Variants in ELAPOR1 observed in about 807,000 individuals in gnomAD.
ELAPOR1 encodes the protein endosome/lysosome-associated apoptosis and autophagy regulator 1.
Under a neutral mutation model 119.7 loss-of-function variants are expected in ELAPOR1, and 77 were observed. The observed-to-expected ratio is 0.64, with a 90% CI of 0.54 to 0.78. ELAPOR1 has a LOEUF of 0.78. Among genes scored for constraint, ELAPOR1 ranks in the 30% least tolerant of loss-of-function variants. ELAPOR1 has a pLI of 0.00. For missense variants in ELAPOR1, 1,115 were observed against 1,270.4 expected (o/e 0.88, Z 1.86); for synonymous variants, 481 against 487.2 (o/e 0.99, Z 0.17).
intron 4 of ELAPOR1, 92 bp from the exon 5 acceptor site, chr1:109,172,396 G>A: frequency 1.1e-6 from 1 of 914,688 alleles, no homozygotes; most frequent in Admixed American, 2.3e-5. Flanking sequence ...CCCATATAAA[G>A]AAGGGCCCTC....
intron 1 of ELAPOR1, among the ~76,000 whole-genome samples, chr1:109,120,472 A>G (rs1360648435): frequency 2.6e-5 from 4 of 152,156 alleles, no homozygotes; most frequent in Non-Finnish European, 5.9e-5. Flanking sequence ...ATATGAGGAC[A>G]CGTAGACAGC....
At chr1:109,132,574 A>G (rs1030447313) in intron 1 of ELAPOR1, among the ~76,000 whole-genome samples, 2 of 152,228 alleles carry the variant, frequency 1.3e-5, no homozygotes, top group African/African-American at 4.8e-5. Flanking sequence ...GAGAGCACAT[A>G]TTAGGGGATT....
intron 8 of ELAPOR1, chr1:109,187,111 C>T (rs971364536): frequency 1.0e-5 from 10 of 985,376 alleles, no homozygotes; most frequent in Non-Finnish European, 1.2e-5. Context: ...TCAAGGGACA[C>T]ACCTCGAGCT....
At chr1:109,164,964 G>T (rs1370701394) in intron 3 of ELAPOR1, among the ~76,000 whole-genome samples, 1 of 152,198 alleles carries the variant, frequency 6.6e-6, no homozygotes, top group Non-Finnish European at 1.5e-5. Context: ...GACAAGGGGG[G>T]CAAGGGTTAA....
At chr1:109,125,556 T>C (rs923917582) in intron 1 of ELAPOR1, among the ~76,000 whole-genome samples, 1 of 151,600 alleles carries the variant, frequency 6.6e-6, no homozygotes, top group Non-Finnish European at 1.5e-5. Flanking sequence ...CCAGGCCCGG[T>C]TGTATTTTTA....
chr1:109,173,974 G>A, intron 7 of ELAPOR1, 137 bp downstream of exon 7: 1 of 920,692 alleles, frequency 1.1e-6, no homozygotes, highest in Admixed American at 2.7e-5. Flanking sequence ...CTGGATCCTG[G>A]AATACCCTTG....
chr1:109,200,187 T>G lies in ELAPOR1; in HGVS notation c.2757T>G (p.Thr919=), dbSNP rs978744101. The G allele has an allele frequency of 2.5e-6, 4 of 1,614,244 alleles. No homozygotes were observed. Among genetic ancestry groups the G allele is most frequent in the Non-Finnish European group, 3.4e-6 (4 of 1,180,046 alleles). The stretch of plus-strand genomic sequence containing the variant: ...TGGGCATCTCTGCAGGCACCTGTAC[T>G]GCCATCCTGCTCACCGTCTTGACCT... ...LKVGISAGTC[T]AILLTVLTCY... Residue 919 remains threonine (T), a synonymous_variant, in exon 20 of 22, where the codon ACT becomes ACG. Coordinates refer to ENST00000369939, the MANE Select transcript of ELAPOR1 (RefSeq NM_020775.5).
chr1:109,198,153 G>T, intron 17 of ELAPOR1, 78 bp downstream of exon 17: 1 of 1,087,528 alleles, frequency 9.2e-7, no homozygotes. Flanking sequence ...TCCCTCTCTA[G>T]CCACCTACTG....
At chr1:109,186,061 T>A (rs1313296059) in intron 8 of ELAPOR1, among the ~76,000 whole-genome samples, 1 of 148,652 alleles carries the variant, frequency 6.7e-6, no homozygotes, top group African/African-American at 2.5e-5. Context: ...CAAATGGTAG[T>A]AAGTGGTAGG....
At chr1:109,191,562 C>G (rs1653439589) in intron 12 of ELAPOR1, 91 bp downstream of exon 12, 7 of 1,373,246 alleles carry the variant, frequency 5.1e-6, no homozygotes, top group South Asian at 1.2e-5. Flanking sequence ...CTGACACCCC[C>G]CCTTGTAGTG....
At chr1:109,153,369 A>C (rs571340510) in intron 1 of ELAPOR1, among the ~76,000 whole-genome samples, 1 of 152,342 alleles carries the variant, frequency 6.6e-6, no homozygotes, top group Non-Finnish European at 1.5e-5. Context: ...ATTATTTAAA[A>C]TAAGGAAAAA....
chr1:109,199,766 A>C, intron 18 of ELAPOR1, 88 bp from the exon 19 acceptor site: 1 of 1,500,828 alleles, frequency 6.7e-7, no homozygotes, highest in Non-Finnish European at 9.1e-7. Context: ...AGGGTAAATC[A>C]GGCAAGCTAT....
intron 10 of ELAPOR1, 45 bp downstream of exon 10, chr1:109,189,239 C>A: frequency 1.3e-6 from 2 of 1,591,974 alleles, no homozygotes; most frequent in South Asian, 2.3e-5. Flanking sequence ...TCCCTGCACA[C>A]CCTCAGTTCT....
chr1:109,191,911 C>A, intron 13 of ELAPOR1, 48 bp downstream of exon 13: 1 of 1,603,500 alleles, frequency 6.2e-7, no homozygotes, highest in Non-Finnish European at 8.5e-7. Flanking sequence ...CCTCTGAACC[C>A]AGGAGGACTC....
intron 14 of ELAPOR1, 105 bp from the exon 15 acceptor site, chr1:109,194,316 C>A (rs1653638024): frequency 1.0e-6 from 1 of 956,282 alleles, no homozygotes; most frequent in African/African-American, 1.6e-5. Context: ...CTCCTCTTGA[C>A]CCCATTTGGG....
intron 15 of ELAPOR1, 138 bp downstream of exon 15, chr1:109,194,732 T>G: frequency 1.5e-6 from 1 of 684,960 alleles, no homozygotes; most frequent in Non-Finnish European, 2.4e-6. Context: ...TTACATATTA[T>G]TCTCCCTGAG....
At chr1:109,159,700 A>C (rs1162792266) in intron 1 of ELAPOR1, among the ~76,000 whole-genome samples, 1 of 152,188 alleles carries the variant, frequency 6.6e-6, no homozygotes, top group Non-Finnish European at 1.5e-5. Flanking sequence ...ACAAGCTATC[A>C]CACCACTGAG....
chr1:109,188,221 G>A lies in ELAPOR1; in HGVS notation c.1086G>A (p.Glu362=). ...YKWAKPKICS[E]DLEGAVKLPA... ...GGGCCAAGCCGAAAATCTGTAGCGA[G>A]GACCTTGAGGGGGCAGTGAAGCTGC... is the stretch of plus-strand genomic sequence containing the variant. The change falls in exon 9 of 22, where the codon GAG becomes GAA. Residue 362 remains glutamate (E), a synonymous_variant. Transcript: ENST00000369939. 6.2e-7 allele frequency: 1 copy of A among 1,613,514 alleles called. No homozygotes were observed.
chr1:109,200,996 G>A, intron 21 of ELAPOR1, 96 bp downstream of exon 21: 1 of 1,202,318 alleles, frequency 8.3e-7, no homozygotes, highest in Non-Finnish European at 1.2e-6. Flanking sequence ...TCAGGGATGG[G>A]CACCCTGCTC....
Sources: allele counts gnomAD v4.1 joint callset (sites outside exome capture counted in the v4.1 genomes callset), GRCh38; gene constraint gnomAD v4.1.1; transcripts MANE v1.5; gene names NCBI Gene and HGNC (gene_info 2026-07-23, HGNC 2026-07-21).